ASIC2: variants seen among roughly 807,000 people sequenced by gnomAD.
The protein encoded by ASIC2 is acid-sensing ion channel 2.
ASIC2 carries 25 observed loss-of-function variants against 57.3 expected under a neutral mutation model. That is an observed-to-expected ratio of 0.44 (90% CI 0.32 to 0.61). The LOEUF (loss-of-function observed/expected upper bound fraction) is 0.61. Ranked by LOEUF, ASIC2 falls within the 20% of genes least tolerant of loss-of-function variation. The probability of loss-of-function intolerance (pLI) is 0.06; values close to 1 mark genes in which losing one functional copy is unlikely to be tolerated. For synonymous variants in ASIC2, 319 were observed against 307.5 expected (o/e 1.04, Z -0.39); for missense variants, 641 against 738.1 (o/e 0.87, Z 1.52).
intron 1 of ASIC2, among the ~76,000 whole-genome samples, chr17:33,367,240 T>C (rs1214712367): frequency 6.6e-6 from 1 of 151,968 alleles, no homozygotes; most frequent in Non-Finnish European, 1.5e-5. Context: ...GGCTCAGAGG[T>C]GAGTGTATAG....
intron 1 of ASIC2, among the ~76,000 whole-genome samples, chr17:33,527,077 C>G (rs58707187): frequency 6.6e-6 from 1 of 152,146 alleles, no homozygotes; most frequent in Non-Finnish European, 1.5e-5. Flanking sequence ...GAGGGCTGGG[C>G]GCCCTGTGTG....
At chr17:33,944,282 G>A (rs969363932) in intron 1 of ASIC2, among the ~76,000 whole-genome samples, 3 of 152,232 alleles carry the variant, frequency 2.0e-5, no homozygotes, top group African/African-American at 7.2e-5. Flanking sequence ...TAGGGTCTGA[G>A]CTTTCTGTGG....
intron 1 of ASIC2, among the ~76,000 whole-genome samples, chr17:33,799,458 C>A (rs908090976): frequency 9.7e-6 from 1 of 102,762 alleles, no homozygotes; most frequent in Non-Finnish European, 2.2e-5. Context: ...TTCTTTCTTT[C>A]TTTCTTTCTT....
chr17:33,159,762 T>C (rs970948827), intron 1 of ASIC2, among the ~76,000 whole-genome samples: 1 of 152,234 alleles, frequency 6.6e-6, no homozygotes, highest in African/African-American at 2.4e-5. Context: ...GACTACTATA[T>C]TGAACTGTGT....
At chr17:33,904,540 CA>C (rs1915307187) in intron 1 of ASIC2, among the ~76,000 whole-genome samples, 1 of 152,204 alleles carries the variant, frequency 6.6e-6, no homozygotes, top group African/African-American at 2.4e-5. Flanking sequence ...CCCTGTCATG[CA>C]ACTAAGGTCG....
intron 1 of ASIC2, among the ~76,000 whole-genome samples, chr17:34,044,408 T>C (rs913936869): frequency 2.6e-5 from 4 of 152,144 alleles, no homozygotes; most frequent in African/African-American, 4.8e-5. Context: ...CAAATTTTCA[T>C]CCTTAATCTC....
intron 1 of ASIC2, among the ~76,000 whole-genome samples, chr17:33,163,776 G>A (rs1905227943): frequency 6.6e-6 from 1 of 152,144 alleles, no homozygotes; most frequent in South Asian, 2.1e-4. Context: ...AAGTGCTGTG[G>A]GGAAAAGTAC....
At chr17:33,633,699 T>C (rs1906252361) in intron 1 of ASIC2, among the ~76,000 whole-genome samples, 1 of 152,212 alleles carries the variant, frequency 6.6e-6, no homozygotes, top group African/African-American at 2.4e-5. Flanking sequence ...TCATTCTCTG[T>C]AGCAACAGCC....
At chr17:33,896,700 G>A (rs555855206) in intron 1 of ASIC2, among the ~76,000 whole-genome samples, 1 of 152,276 alleles carries the variant, frequency 6.6e-6, no homozygotes, top group East Asian at 1.9e-4. Context: ...TTGGCCCTTT[G>A]GGCATCTCAC....
intron 1 of ASIC2, among the ~76,000 whole-genome samples, chr17:33,321,667 G>A (rs1217519283): frequency 6.6e-6 from 1 of 152,104 alleles, no homozygotes; most frequent in Non-Finnish European, 1.5e-5. Flanking sequence ...ATTAAAAACA[G>A]CTTTTTTTAG....
chr17:33,028,431 C>T (rs1292404958), intron 3 of ASIC2, 39 bp from the exon 4 acceptor site: 2 of 1,611,458 alleles, frequency 1.2e-6, no homozygotes, highest in South Asian at 2.2e-5. Context: ...TCAGCCTCAA[C>T]AGACTCAGTA....
At chr17:33,965,045 T>C (rs1200602736) in intron 1 of ASIC2, among the ~76,000 whole-genome samples, 2 of 152,220 alleles carry the variant, frequency 1.3e-5, no homozygotes, top group South Asian at 2.1e-4. Flanking sequence ...CCACTTTCCA[T>C]ACTCCTTTTA....
intron 1 of ASIC2, among the ~76,000 whole-genome samples, chr17:34,075,430 GT>G (rs2142072722): frequency 6.6e-6 from 1 of 152,294 alleles, no homozygotes; most frequent in African/African-American, 2.4e-5. Context: ...CAATCAGTGG[GT>G]TTCAAACACT....
intron 1 of ASIC2, among the ~76,000 whole-genome samples, chr17:33,766,480 A>G (rs907053751): frequency 5.3e-5 from 8 of 152,340 alleles, no homozygotes; most frequent in Middle Eastern, 6.8e-3. Flanking sequence ...CATATAATCC[A>G]GGAACAATGG....
rs186290221 is a variant in ASIC2, at chr17:33,205,307, C to G, written c.708+86101G>C. Among the ~76,000 whole-genome samples the G allele has an allele frequency of 8.8e-4, 134 of 152,310 alleles. No individual in the cohort carries two copies. In the Middle Eastern group the frequency reaches 0.014, roughly 16 times the overall value. Reference sequence around the variant, plus strand: ...GCCAATAAGCCCCTGCCTTGTGCCTCTGGAAATGCTGCCAGCCTGGATCAG... The same window carrying G: ...GCCAATAAGCCCCTGCCTTGTGCCTGTGGAAATGCTGCCAGCCTGGATCAG... On this transcript the variant is annotated intron_variant, in intron 1 of 9. Transcript: ENST00000225823.
At chr17:33,719,766 G>T (rs1909331317) in intron 1 of ASIC2, among the ~76,000 whole-genome samples, 1 of 152,228 alleles carries the variant, frequency 6.6e-6, no homozygotes. Context: ...TTTGTGCAGG[G>T]CTGGGGAGCT....
At chr17:33,753,300 G>T (rs1397373256) in intron 1 of ASIC2, among the ~76,000 whole-genome samples, 1 of 152,148 alleles carries the variant, frequency 6.6e-6, no homozygotes, top group African/African-American at 2.4e-5. Flanking sequence ...CATGGATTGG[G>T]GGAAGAAAAG....
At chr17:33,316,359 C>T (rs1906646806) in intron 1 of ASIC2, among the ~76,000 whole-genome samples, 2 of 152,212 alleles carry the variant, frequency 1.3e-5, no homozygotes, top group South Asian at 2.1e-4. Flanking sequence ...CTGCTGTCTA[C>T]AGCCACTGCT....
At chr17:33,252,240 T>C (rs1239946467) in intron 1 of ASIC2, among the ~76,000 whole-genome samples, 1 of 152,248 alleles carries the variant, frequency 6.6e-6, no homozygotes, top group East Asian at 1.9e-4. Flanking sequence ...TTGCAGCTTT[T>C]TCATTTATTA....
Sources: allele counts gnomAD v4.1 joint callset (sites outside exome capture counted in the v4.1 genomes callset), GRCh38; gene constraint gnomAD v4.1.1; transcripts MANE v1.5; gene names NCBI Gene and HGNC (gene_info 2026-07-23, HGNC 2026-07-21).